GABRG3: variants seen among roughly 807,000 people sequenced by gnomAD.
The protein encoded by GABRG3 is gamma-aminobutyric acid receptor subunit gamma-3.
A neutral mutation model predicts 48.8 loss-of-function variants in GABRG3; 25 were observed. The ratio of observed to expected loss-of-function variants is 0.51; its 90% confidence interval spans 0.37 to 0.72. GABRG3 has a LOEUF of 0.72. Ranked by LOEUF, GABRG3 falls within the 30% of genes least tolerant of loss-of-function variation. The probability of loss-of-function intolerance (pLI) is 0.00; values close to 1 mark genes in which losing one functional copy is unlikely to be tolerated. For synonymous variants in GABRG3, 227 were observed against 217.6 expected, an observed-to-expected ratio of 1.04 and a Z score of -0.38; for missense variants, 394 against 577.9, an observed-to-expected ratio of 0.68 and a Z score of 3.26.
In GABRG3 at chr15:27,180,228, A is replaced by G. The variant is rs111878742; in HGVS notation, c.271-146581A>G. On this transcript the variant is annotated intron_variant, in intron 3 of 9. Coordinates refer to ENST00000615808, the MANE Select transcript of GABRG3 (RefSeq NM_033223.5). The surrounding 1 kb of genome is among the most constrained non-coding windows in gnomAD (Gnocchi z 4.2). ...TCTGAAGGACCTTAGCACGGTCTAA[A>G]TAAAGTTTGTAAACCACTGATGTAG... Among the ~76,000 whole-genome samples the G allele has an allele frequency of 2.3e-3, 344 of 152,306 alleles. 2 individuals carry two copies. Among genetic ancestry groups the G allele is most frequent in the African/African-American group, 8.0e-3 (331 of 41,556 alleles).
intron 3 of GABRG3, among the ~76,000 whole-genome samples, chr15:27,202,613 T>C (rs1007360604): frequency 6.6e-6 from 1 of 152,210 alleles, no homozygotes; most frequent in African/African-American, 2.4e-5. Flanking sequence ...GTTTTATCAG[T>C]GAAAAACTGG....
intron 3 of GABRG3, among the ~76,000 whole-genome samples, chr15:27,082,567 T>C (rs980322473): frequency 9.2e-5 from 14 of 152,138 alleles, no homozygotes; most frequent in Admixed American, 7.9e-4. Flanking sequence ...TGGGCAAGGG[T>C]TGGGTCTGCG....
chr15:27,501,231 G>C (rs546613912), intron 6 of GABRG3, among the ~76,000 whole-genome samples: 3 of 152,138 alleles, frequency 2.0e-5, no homozygotes, highest in East Asian at 1.9e-4. Context: ...GATTACAGGC[G>C]TGAGCCACCG....
At chr15:27,141,305 A>G (rs1898098420) in intron 3 of GABRG3, among the ~76,000 whole-genome samples, 1 of 152,178 alleles carries the variant, frequency 6.6e-6, no homozygotes, top group African/African-American at 2.4e-5. Flanking sequence ...TACAGCCCAG[A>G]CTAGATCCTA....
chr15:27,041,215 CTG>C (rs1332877817), intron 3 of GABRG3, among the ~76,000 whole-genome samples: 1 of 152,168 alleles, frequency 6.6e-6, no homozygotes, highest in Non-Finnish European at 1.5e-5. Context: ...CAGGGTCTCT[CTG>C]TGTCACCCAG....
intron 5 of GABRG3, among the ~76,000 whole-genome samples, chr15:27,369,360 G>A (rs368104994): frequency 6.6e-6 from 1 of 152,196 alleles, no homozygotes; most frequent in Non-Finnish European, 1.5e-5. Flanking sequence ...GAGGAAAATT[G>A]CCTGACCAGA....
intron 6 of GABRG3, among the ~76,000 whole-genome samples, chr15:27,518,369 C>A (rs1233798812): frequency 0.013 from 1,591 of 126,606 alleles, 2 homozygotes; most frequent in Middle Eastern, 0.02. Context: ...AACTCTGTCT[C>A]AAAAAAAAAA....
chr15:27,502,326 A>C (rs1890660613), intron 6 of GABRG3, among the ~76,000 whole-genome samples: 1 of 152,208 alleles, frequency 6.6e-6, no homozygotes, highest in South Asian at 2.1e-4. Context: ...ATTGAAATTT[A>C]GTTGTAAGAA....
At position 27,391,584 on chromosome 15, in the gene GABRG3, A is replaced by C. The variant is rs137948790; in HGVS notation, c.574+62696A>C. On this transcript the variant is annotated intron_variant, in intron 5 of 9. Transcript: ENST00000615808. ...AAAGTACAGGCCCTGGCTGCCACTG[A>C]TCAGATCTGTGACCTGGGGAACATG... is the stretch of plus-strand genomic sequence containing the variant. Among the ~76,000 whole-genome samples, 154 of 152,278 alleles carry C rather than the reference A, an allele frequency of 1.0e-3. 2 individuals are homozygous for C. Among genetic ancestry groups the C allele is most frequent in the African/African-American group, 3.6e-3 (149 of 41,558 alleles).
chr15:27,412,799 T>G (rs113449686), intron 5 of GABRG3, among the ~76,000 whole-genome samples: 1 of 152,200 alleles, frequency 6.6e-6, no homozygotes, highest in Non-Finnish European at 1.5e-5. Context: ...AAATCATTTC[T>G]TTGAAGGAAA....
At chr15:27,020,509 TCACGC>T (rs1209791710) in intron 2 of GABRG3, among the ~76,000 whole-genome samples, 1 of 152,168 alleles carries the variant, frequency 6.6e-6, no homozygotes, top group African/African-American at 2.4e-5. Context: ...CCTCCTGGGT[TCACGC>T]CATTCTCCTG....
At chr15:27,266,538 C>T (rs1890926927) in intron 3 of GABRG3, among the ~76,000 whole-genome samples, 1 of 152,132 alleles carries the variant, frequency 6.6e-6, no homozygotes, top group African/African-American at 2.4e-5. Flanking sequence ...TGCATTCCTA[C>T]AAAAATTTTA....
chr15:27,023,215 A>G (rs1895927898), intron 2 of GABRG3, among the ~76,000 whole-genome samples: 1 of 152,194 alleles, frequency 6.6e-6, no homozygotes, highest in Admixed American at 6.5e-5. Context: ...TCTTTCACTC[A>G]GAAAATTGCT....
chr15:27,273,221 A>G (rs1891145687), intron 3 of GABRG3, among the ~76,000 whole-genome samples: 1 of 152,234 alleles, frequency 6.6e-6, no homozygotes. Context: ...GAGTAACTGT[A>G]TACAGTTTAT....
At chr15:27,351,450 T>C (rs555284554) in intron 5 of GABRG3, among the ~76,000 whole-genome samples, 1 of 147,546 alleles carries the variant, frequency 6.8e-6, no homozygotes, top group African/African-American at 2.6e-5. Context: ...GTGTATATGG[T>C]GTGTGTGTTT....
rs1001813519 is a variant in GABRG3 at position 27,541,465 on chromosome 15, C to G, written c.*8584C>G. On this transcript the variant is annotated 3_prime_UTR_variant, in exon 10 of 10. Transcript: ENST00000615808. ...GGGAAGGAGAGAGGCGCGGACTGCT[C>G]TCTGTTCCCATGGAATCCTTCCTGC... The G allele has an allele frequency of 6.6e-6, 1 of 152,254 alleles. No homozygotes were observed. The allele number at this position is 152,254 out of a possible 1,614,324, so 9.4% of individuals were successfully genotyped here.
At chr15:27,178,860 G>T (rs1429081023) in intron 3 of GABRG3, among the ~76,000 whole-genome samples, 1 of 152,190 alleles carries the variant, frequency 6.6e-6, no homozygotes, top group Admixed American at 6.5e-5. Flanking sequence ...ACAAAGTAGG[G>T]CAGATAATGT....
intron 3 of GABRG3, among the ~76,000 whole-genome samples, chr15:27,216,374 C>T (rs930301652): frequency 6.6e-6 from 1 of 152,190 alleles, no homozygotes; most frequent in African/African-American, 2.4e-5. Context: ...AGGCAGCTAG[C>T]TCAGCCCAGC....
chr15:26,997,172 C>T (rs1228247978), intron 2 of GABRG3, among the ~76,000 whole-genome samples: 2 of 152,064 alleles, frequency 1.3e-5, no homozygotes, highest in African/African-American at 4.8e-5. Context: ...TTTGGTTCCT[C>T]ATATTATTTC....
Sources: gnomAD v4.1 joint callset for allele counts (sites outside exome capture counted in the v4.1 genomes callset) on GRCh38, gnomAD v4.1.1 for gene constraint, Gnocchi (gnomAD v3.1) non-coding constraint, MANE v1.5 for transcripts, NCBI Gene and HGNC (gene_info 2026-07-23, HGNC 2026-07-21) for gene names.